The following AZI2 variants were observed in gnomAD, a reference collection of about 807,000 sequenced individuals.
AZI2 encodes the protein 5-azacytidine induced 2.
Under a neutral mutation model 45.8 loss-of-function variants are expected in AZI2, and 22 were observed. The observed-to-expected ratio is 0.48, with a 90% CI of 0.34 to 0.69. The LOEUF is 0.69. Among genes scored for constraint, AZI2 ranks in the 30% least tolerant of loss-of-function variants. The pLI, the probability that AZI2 is intolerant of heterozygous loss-of-function variation, is 0.01. For missense variants in AZI2, 417 were observed against 441.5 expected (o/e 0.94, Z 0.50); for synonymous variants, 137 against 156.7 (o/e 0.87, Z 0.94).
rs1389488327 is a variant in AZI2 at position 28,336,798 on chromosome 3, A to G, written c.527T>C (p.Leu176Pro). The change falls in exon 5 of 8, where the codon CTG becomes CCG. Residue 176 changes from leucine (L) to proline (P), a missense_variant. By Grantham distance (98) the Leu-to-Pro change is moderately conservative. Transcript: ENST00000479665. ...DLKIHGLEQE[L>P]ELMRKECSDL... ...GCTACATTCTTTCCTCATCAGTTCC[A>G]GCTCTTGTTCCAAACCATGGATCTT... 1 of 1,613,462 alleles carries G rather than the reference A, an allele frequency of 6.2e-7. No individual in the cohort carries two copies. Among genetic ancestry groups the G allele is most frequent in the South Asian group, 1.1e-5 (1 of 91,052 alleles).
chr3:28,327,197 A>G (rs948630786), intron 6 of AZI2, among the ~76,000 whole-genome samples: 2 of 151,248 alleles, frequency 1.3e-5, no homozygotes, highest in African/African-American at 2.4e-5. Context: ...AAATAAAATT[A>G]TAACTGATAA....
intron 4 of AZI2, among the ~76,000 whole-genome samples, chr3:28,337,708 C>T (rs1346991757): frequency 6.6e-6 from 1 of 152,056 alleles, no homozygotes; most frequent in Admixed American, 6.6e-5. Flanking sequence ...CAACCTAGAC[C>T]TGAATAAAAA....
At chr3:28,328,282 C>T (rs138960042) in intron 6 of AZI2, among the ~76,000 whole-genome samples, 285 of 151,106 alleles carry the variant, frequency 1.9e-3, no homozygotes, top group African/African-American at 6.5e-3. Context: ...ACATAGGAAC[C>T]TGTCTTAAGT....
chr3:28,329,616 C>T (rs1703503433), intron 6 of AZI2, among the ~76,000 whole-genome samples: 1 of 151,262 alleles, frequency 6.6e-6, no homozygotes, highest in Non-Finnish European at 1.5e-5. Flanking sequence ...GAAAAATCCA[C>T]TTACTTGAGT....
At chr3:28,334,012 A>T (rs965653693) in intron 5 of AZI2, among the ~76,000 whole-genome samples, 1 of 151,486 alleles carries the variant, frequency 6.6e-6, no homozygotes, top group Non-Finnish European at 1.5e-5. Context: ...TCACAGGATC[A>T]ATGGTTCTGA....
chr3:28,338,996 T>C (rs1483197684), intron 2 of AZI2, among the ~76,000 whole-genome samples: 1 of 151,994 alleles, frequency 6.6e-6, no homozygotes. Context: ...TTTTTTTTTT[T>C]CGAGACTGAG....
At chr3:28,329,386 C>T (rs1478375457) in intron 6 of AZI2, among the ~76,000 whole-genome samples, 1 of 151,042 alleles carries the variant, frequency 6.6e-6, no homozygotes, top group Non-Finnish European at 1.5e-5. Flanking sequence ...CATCAATTAC[C>T]AAGCACCTAC....
In AZI2 at chr3:28,323,215, TAC is replaced by T. The variant is rs878973996; in HGVS notation, c.*825_*826del. On this transcript the variant is annotated 3_prime_UTR_variant, in exon 8 of 8. Coordinates refer to ENST00000479665, the MANE Select transcript of AZI2 (RefSeq NM_022461.5). The stretch of plus-strand genomic sequence containing the variant: ...TTTGAAGAAAATGACTTTTTATCAT[TAC>T]ACACATTTATGTTTATATTATGGCC... 1.3e-5 allele frequency: 2 copies of T among 151,234 alleles called. No homozygotes were observed. Among genetic ancestry groups the T allele is most frequent in the South Asian group, 4.1e-4 (2 of 4,834 alleles). 9.4% of individuals were successfully genotyped at this position (151,234 alleles called of 1,614,324 possible). A position where few individuals can be genotyped will look rare whatever the true frequency, so the allele number is the denominator to read the frequency against.
At chr3:28,328,981 G>T (rs1343683003) in intron 6 of AZI2, among the ~76,000 whole-genome samples, 1 of 151,082 alleles carries the variant, frequency 6.6e-6, no homozygotes, top group Non-Finnish European at 1.5e-5. Flanking sequence ...TATAGATTGT[G>T]ACCTTCCTAT....
rs117213160 is a variant in AZI2, at chr3:28,340,559, C to T, written c.59G>A (p.Arg20Lys). The T allele has an allele frequency of 4.7e-5, 76 of 1,613,132 alleles. No individual in the cohort carries two copies. In the East Asian group the frequency reaches 1.5e-3, roughly 31 times the overall value. ...CILNHEKAHKRDTVTPVSIYS... is the reference protein window; with the variant it reads ...CILNHEKAHKKDTVTPVSIYS... ...TATTGAAACTGGAGTCACTGTATCT[C>T]TCTTATGGGCTTTTTCATGATTCAG... The change falls in exon 2 of 8, where the codon AGA becomes AAA. Residue 20 changes from arginine (R) to lysine (K), a missense_variant. Arg to Lys is a conservative substitution (Grantham distance 26, BLOSUM62 2). Transcript: ENST00000479665.
chr3:28,337,766 T>G (rs1437217172), intron 4 of AZI2, among the ~76,000 whole-genome samples, 171 bp downstream of exon 4: 1 of 152,068 alleles, frequency 6.6e-6, no homozygotes, highest in African/African-American at 2.4e-5. Context: ...TAAGGAAAAG[T>G]TAAAGGAAGT....
intron 6 of AZI2, among the ~76,000 whole-genome samples, chr3:28,329,236 T>G (rs969962814): frequency 2.0e-5 from 3 of 151,144 alleles, no homozygotes; most frequent in African/African-American, 7.3e-5. Flanking sequence ...CTTGGTAAAG[T>G]GAGTAACCTC....
chr3:28,326,668 G>T, intron 7 of AZI2, 164 bp downstream of exon 7: 1 of 708,400 alleles, frequency 1.4e-6, no homozygotes, highest in Non-Finnish European at 2.6e-6. Flanking sequence ...AAGTTGACCA[G>T]TATGAGACTG....
intron 6 of AZI2, among the ~76,000 whole-genome samples, chr3:28,330,902 A>T (rs1344074459): frequency 6.6e-6 from 1 of 151,432 alleles, no homozygotes; most frequent in East Asian, 1.9e-4. Context: ...CTGTCCTCTG[A>T]ATTGATACTG....
At chr3:28,330,699 A>G (rs766580445) in intron 6 of AZI2, among the ~76,000 whole-genome samples, 7 of 151,332 alleles carry the variant, frequency 4.6e-5, no homozygotes, top group Non-Finnish European at 8.9e-5. Flanking sequence ...AGAGAAACCT[A>G]ATCAGTTTTG....
At chr3:28,332,753 C>G (rs972670327) in intron 5 of AZI2, among the ~76,000 whole-genome samples, 38 of 151,686 alleles carry the variant, frequency 2.5e-4, no homozygotes, top group African/African-American at 8.2e-4. Flanking sequence ...AAAAGTGTTA[C>G]ACATTTGTCA....
rs771766684 is a variant in AZI2, at chr3:28,326,858, A to C, written c.740T>G (p.Leu247Arg). 5.6e-6 allele frequency: 9 copies of C among 1,608,438 alleles called. No homozygotes were observed. Among genetic ancestry groups the C allele is most frequent in the Admixed American group, 5.0e-5 (3 of 59,688 alleles). Residue 247 changes from leucine (L) to arginine (R), a missense_variant, in exon 7 of 8, where the codon CTG (leucine) becomes CGG (arginine). Transcript: ENST00000479665. Reference sequence around the variant, plus strand: ...TTTCTTGATTGCAGTTGAGGTTTTCAGTTTTCTTAGTAGTTCAGCTTGTAC... The same window carrying C: ...TTTCTTGATTGCAGTTGAGGTTTTCCGTTTTCTTAGTAGTTCAGCTTGTAC... ...TQVQAELLRK[L>R]KTSTAIKKAC...
intron 3 of AZI2, 144 bp from the exon 4 acceptor site, chr3:28,338,180 T>C: frequency 3.9e-6 from 2 of 510,348 alleles, no homozygotes; most frequent in Non-Finnish European, 3.3e-6. Context: ...CAGAAATGTC[T>C]TTTTTTCTTT....
At chr3:28,347,809 G>C (rs1704318356) in intron 1 of AZI2, among the ~76,000 whole-genome samples, 1 of 152,228 alleles carries the variant, frequency 6.6e-6, no homozygotes, top group Admixed American at 6.5e-5. Context: ...TGGGCAATGA[G>C]ATATGGCGTT....
Sources: allele counts gnomAD v4.1 joint callset (sites outside exome capture counted in the v4.1 genomes callset), GRCh38; gene constraint gnomAD v4.1.1; transcripts MANE v1.5; gene names NCBI Gene and HGNC (gene_info 2026-07-23, HGNC 2026-07-21).